PITPNM3: variants seen among roughly 807,000 people sequenced by gnomAD.
PITPNM3 encodes membrane-associated phosphatidylinositol transfer protein 3.
Under a neutral mutation model 102.0 loss-of-function variants are expected in PITPNM3, and 26 were observed. That is an observed-to-expected ratio of 0.25 (90% CI 0.19 to 0.35). PITPNM3 has a LOEUF of 0.35. Ranked by LOEUF, PITPNM3 falls within the 10% of genes least tolerant of loss-of-function variation. PITPNM3 has a pLI of 1.00. For synonymous variants in PITPNM3, 578 were observed against 558.6 expected (o/e 1.03, Z -0.49); for missense variants, 1,083 against 1,346.1 (o/e 0.80, Z 3.06).
At chr17:6,514,503 T>C (rs1908042341) in intron 3 of PITPNM3, among the ~76,000 whole-genome samples, 2 of 152,208 alleles carry the variant, frequency 1.3e-5, no homozygotes, top group African/African-American at 4.8e-5. Context: ...CACGAAAAGA[T>C]GCTCAACATC....
intron 1 of PITPNM3, among the ~76,000 whole-genome samples, chr17:6,545,451 C>G (rs1172015894): frequency 1.3e-5 from 2 of 152,082 alleles, no homozygotes; most frequent in African/African-American, 4.8e-5. Context: ...GAGGCCAATC[C>G]CCCTCTCCTC....
rs917494556 is a variant in PITPNM3, at chr17:6,469,984, A to C, written c.1773+276T>G. Among the ~76,000 whole-genome samples the C allele has an allele frequency of 6.6e-6, 1 of 152,198 alleles. No individual in the cohort carries two copies. Among genetic ancestry groups the C allele is most frequent in the African/African-American group, 2.4e-5 (1 of 41,446 alleles). ...GTGGGAACTGACTACTCCAGTCTCC[A>C]AGTTGAAACACTGGGACACTCTCCT... is the stretch of plus-strand genomic sequence containing the variant. On this transcript the variant is annotated intron_variant, in intron 13 of 19. Coordinates refer to ENST00000262483, the MANE Select transcript of PITPNM3 (RefSeq NM_031220.4). This position sits in a 1 kb window ranked among gnomAD's most constrained non-coding sequence, Gnocchi z 4.0.
rs1905196818 is a variant in PITPNM3 at position 6,474,337 on chromosome 17, CCT to C, written c.1258+93_1258+94del. ...TCCCAACTCTGTGACCCTCCCTGCC[CCT>C]GTCCCCGACTTCACTCTCCTCATTC... On this transcript the variant is annotated intron_variant, in intron 10 of 19. Transcript: ENST00000262483. The C allele has an allele frequency of 4.0e-6, 6 of 1,485,592 alleles. No individual in the cohort carries two copies. The African/African-American group carries it at 4.2e-5, about 10-fold the overall frequency. 92.0% of individuals were successfully genotyped at this position (1,485,592 alleles called of 1,614,324 possible). A position where few individuals can be genotyped will look rare whatever the true frequency, so the allele number is the denominator to read the frequency against.
At chr17:6,545,022 G>A (rs916380890) in intron 1 of PITPNM3, among the ~76,000 whole-genome samples, 4 of 152,098 alleles carry the variant, frequency 2.6e-5, no homozygotes, top group Admixed American at 1.3e-4. Context: ...GTCAAGCCCC[G>A]CCTCCTCCGT....
intron 10 of PITPNM3, 93 bp downstream of exon 10, chr17:6,474,338 CT>C (rs1265226340): frequency 6.7e-6 from 10 of 1,489,266 alleles, no homozygotes; most frequent in Non-Finnish European, 9.2e-6. Flanking sequence ...CTCCCTGCCC[CT>C]GTCCCCGACT....
At chr17:6,493,454 C>T (rs1428739749) in intron 4 of PITPNM3, among the ~76,000 whole-genome samples, 1 of 152,184 alleles carries the variant, frequency 6.6e-6, no homozygotes, top group East Asian at 1.9e-4. Flanking sequence ...TTCTGGAGAG[C>T]CATTCCAAGT....
At chr17:6,540,752 G>C (rs779089985) in intron 1 of PITPNM3, among the ~76,000 whole-genome samples, 1 of 152,102 alleles carries the variant, frequency 6.6e-6, no homozygotes, top group Non-Finnish European at 1.5e-5. Context: ...TTCACCTCCC[G>C]GGTTCAAGAG....
chr17:6,501,290 TATA>T (rs1171944651), intron 4 of PITPNM3, among the ~76,000 whole-genome samples: 1 of 152,196 alleles, frequency 6.6e-6, no homozygotes, highest in East Asian at 1.9e-4. Context: ...CTTGTTATTT[TATA>T]ATGTTTTGAC....
chr17:6,534,681 A>G (rs995017808), intron 2 of PITPNM3, among the ~76,000 whole-genome samples: 1 of 152,102 alleles, frequency 6.6e-6, no homozygotes, highest in African/African-American at 2.4e-5. Flanking sequence ...AAGGAGATAC[A>G]CTGTTCCCAG....
chr17:6,546,513 C>G (rs897511238), intron 1 of PITPNM3, among the ~76,000 whole-genome samples: 1 of 152,234 alleles, frequency 6.6e-6, no homozygotes, highest in African/African-American at 2.4e-5. Context: ...GGCCATAGAC[C>G]GAGTTACAAC....
intron 4 of PITPNM3, among the ~76,000 whole-genome samples, chr17:6,490,084 G>A (rs1194551610): frequency 3.9e-5 from 6 of 152,150 alleles, no homozygotes; most frequent in Non-Finnish European, 8.8e-5. Flanking sequence ...GGAAGTCAAA[G>A]GCTTTGCTAT....
At chr17:6,501,760 C>T (rs927414041) in intron 4 of PITPNM3, among the ~76,000 whole-genome samples, 1 of 152,194 alleles carries the variant, frequency 6.6e-6, no homozygotes, top group African/African-American at 2.4e-5. Context: ...ACCAGCCTTC[C>T]TATGGCCTGG....
At chr17:6,492,549 T>C (rs911537648) in intron 4 of PITPNM3, among the ~76,000 whole-genome samples, 7 of 152,184 alleles carry the variant, frequency 4.6e-5, no homozygotes, top group Non-Finnish European at 1.5e-5. Flanking sequence ...ATTAAGATCC[T>C]GTGTTTGGGT....
chr17:6,546,436 A>G (rs948216650), intron 1 of PITPNM3, among the ~76,000 whole-genome samples: 3 of 152,234 alleles, frequency 2.0e-5, no homozygotes, highest in African/African-American at 7.2e-5. Context: ...TGTCCTGAGA[A>G]CAGCTCAGGT....
In PITPNM3 at chr17:6,496,662, T is replaced by C. The variant is rs146585654; in HGVS notation, c.274+6865A>G. Among the ~76,000 whole-genome samples the C allele has an allele frequency of 2.9e-3, 444 of 152,258 alleles. 4 individuals carry two copies. Among genetic ancestry groups the C allele is most frequent in the African/African-American group, 0.01 (424 of 41,536 alleles). On this transcript the variant is annotated intron_variant, in intron 4 of 19. Coordinates refer to ENST00000262483, the MANE Select transcript of PITPNM3 (RefSeq NM_031220.4). ...AAGATCCTTAAGGGCTGGGACTGGGTTTGATTTTGCTCTATTTTATCCCCA... is the reference window on the plus strand; with the variant it reads ...AAGATCCTTAAGGGCTGGGACTGGGCTTGATTTTGCTCTATTTTATCCCCA...
At chr17:6,546,832 C>G (rs1910044929) in intron 1 of PITPNM3, among the ~76,000 whole-genome samples, 1 of 152,134 alleles carries the variant, frequency 6.6e-6, no homozygotes, top group Non-Finnish European at 1.5e-5. Flanking sequence ...GGGCGAAACC[C>G]CATCTCTACT....
rs766813235 is a variant in PITPNM3 at position 6,483,748 on chromosome 17, C to T, written c.356G>A (p.Gly119Asp). The T allele has an allele frequency of 6.2e-7, 1 of 1,611,864 alleles. No homozygotes were observed. Among genetic ancestry groups the T allele is most frequent in the Non-Finnish European group, 8.5e-7 (1 of 1,180,006 alleles). ...TGTCTTGCAGGAGCGCTGCGGGCAG[C>T]CTTCCTGAGAGCCAAGGCGGTTGGA... ...SIEIHEDSEE[G>D]CPQRSCKTHV... is the part of the protein sequence containing the mutation. The change falls in exon 6 of 20, where the codon GGC (glycine) becomes GAC (aspartate). Residue 119 changes from glycine to aspartate, a missense_variant. Gly to Asp is a moderately conservative substitution (Grantham distance 94). Around this residue, in one of 5 missense-constraint regions of PITPNM3, gnomAD observed 290 missense variants for 337.8 expected, o/e 0.86. Coordinates refer to ENST00000262483, the MANE Select transcript of PITPNM3 (RefSeq NM_031220.4).
chr17:6,503,713 T>A, intron 3 of PITPNM3, 139 bp from the exon 4 acceptor site: 1 of 828,490 alleles, frequency 1.2e-6, no homozygotes, highest in Non-Finnish European at 2.0e-6. Context: ...TACCACTTCA[T>A]GCCCTGCTCT....
At chr17:6,484,407 C>G in intron 4 of PITPNM3, 115 bp from the exon 5 acceptor site, 1 of 1,049,720 alleles carries the variant, frequency 9.5e-7, no homozygotes, top group Non-Finnish European at 1.5e-6. Flanking sequence ...CAGGTGAGCT[C>G]AAGTTAGAGT....
Sources: gnomAD v4.1 joint callset for allele counts (sites outside exome capture counted in the v4.1 genomes callset) on GRCh38, gnomAD v4.1.1 for gene constraint, gnomAD v4.1.1 regional missense constraint, Gnocchi (gnomAD v3.1) non-coding constraint, MANE v1.5 for transcripts, NCBI Gene and HGNC (gene_info 2026-07-23, HGNC 2026-07-21) for gene names.